Variants in ADCY5 observed in about 807,000 individuals in gnomAD.
The protein encoded by ADCY5 is adenylate cyclase 5.
In ADCY5, 30 loss-of-function variants were observed where a neutral mutation model predicts 119.7. The ratio of observed to expected loss-of-function variants is 0.25; its 90% CI spans 0.19 to 0.34. The LOEUF (loss-of-function observed/expected upper bound fraction) is 0.34. Ranked by LOEUF, ADCY5 falls within the 10% of genes least tolerant of loss-of-function variation. The pLI, the probability that ADCY5 is intolerant of heterozygous loss-of-function variation, is 1.00. For synonymous variants in ADCY5, 753 were observed against 762.2 expected (o/e 0.99, Z 0.20); for missense variants, 1,324 against 1,775.2 (o/e 0.75, Z 4.57).
intron 1 of ADCY5, among the ~76,000 whole-genome samples, chr3:123,402,784 C>T (rs1944801184): frequency 1.4e-5 from 2 of 146,694 alleles, no homozygotes; most frequent in Non-Finnish European, 3.0e-5. Flanking sequence ...ACCCGGGAGG[C>T]GGAGCTTGCA....
At chr3:123,316,743 T>A (rs955817224) in intron 11 of ADCY5, among the ~76,000 whole-genome samples, 1 of 152,174 alleles carries the variant, frequency 6.6e-6, no homozygotes, top group Non-Finnish European at 1.5e-5. Flanking sequence ...CAATATGGAC[T>A]GGGTAGTAGA....
chr3:123,319,780 T>C lies in ADCY5; in HGVS notation c.2150A>G (p.Asp717Gly), dbSNP rs1335631982. 3 of 1,614,200 alleles carry C rather than the reference T, an allele frequency of 1.9e-6. No homozygotes were observed. Among genetic ancestry groups the C allele is most frequent in the East Asian group, 2.2e-5 (1 of 44,888 alleles). The change falls in exon 10 of 21, where the codon GAT becomes GGT. Residue 717 changes from aspartate (D) to glycine (G), a missense_variant. By Grantham distance (94) the Asp-to-Gly change is moderately conservative. Transcript: ENST00000462833. Reference protein sequence around the residue: ...QESANPEDEVDEFLGRAIDAR... With the variant: ...QESANPEDEVGEFLGRAIDAR... The stretch of plus-strand genomic sequence containing the variant: ...GTCAATGGCACGGCCCAGAAACTCA[T>C]CCACTTCATCCTCAGGGTTCGCACT...
intron 19 of ADCY5, among the ~76,000 whole-genome samples, chr3:123,287,438 C>G (rs1454267692): frequency 6.6e-6 from 1 of 152,216 alleles, no homozygotes; most frequent in East Asian, 1.9e-4. Flanking sequence ...ATCCTGCCCC[C>G]ATGTATCTGG....
chr3:123,328,576 G>T, intron 6 of ADCY5, 68 bp downstream of exon 6: 2 of 1,545,732 alleles, frequency 1.3e-6, no homozygotes, highest in Non-Finnish European at 1.8e-6. Context: ...TCTGCAGGAT[G>T]GTCACCCTGG....
intron 1 of ADCY5, among the ~76,000 whole-genome samples, chr3:123,424,629 C>T (rs556432479): frequency 9.2e-5 from 14 of 152,262 alleles, no homozygotes; most frequent in Non-Finnish European, 1.6e-4. Flanking sequence ...CTCCTACCAC[C>T]CTTACAGCCC....
intron 11 of ADCY5, among the ~76,000 whole-genome samples, chr3:123,314,682 G>T (rs976422097): frequency 6.6e-6 from 1 of 152,184 alleles, no homozygotes; most frequent in African/African-American, 2.4e-5. Flanking sequence ...TCACTGATGT[G>T]CTTCATTTAG....
rs56195820 is a variant in ADCY5 at position 123,300,480 on chromosome 3, T to C, written c.2725-185A>G. On this transcript the variant is annotated intron_variant, in intron 14 of 20. Transcript: ENST00000462833. Reference sequence around the variant, plus strand: ...CCTGGTTAGGAACCAGGAGATGGGCTCCAGCTGGAGTCTGGCCATTGCCTG... The same window carrying C: ...CCTGGTTAGGAACCAGGAGATGGGCCCCAGCTGGAGTCTGGCCATTGCCTG... Among the ~76,000 whole-genome samples the C allele has an allele frequency of 0.035, 5,394 of 152,322 alleles. 330 individuals carry two copies. Among genetic ancestry groups the C allele is most frequent in the African/African-American group, 0.12 (5,105 of 41,556 alleles).
intron 1 of ADCY5, among the ~76,000 whole-genome samples, chr3:123,413,263 C>G (rs569649677): frequency 6.6e-6 from 1 of 152,328 alleles, no homozygotes; most frequent in Admixed American, 6.5e-5. Flanking sequence ...ACACGGAACA[C>G]GGAACATTTC....
At chr3:123,375,504 C>T (rs78039534) in intron 1 of ADCY5, among the ~76,000 whole-genome samples, 3,414 of 152,340 alleles carry the variant, frequency 0.022, 53 homozygotes, top group Non-Finnish European at 0.035. Flanking sequence ...CAGTCTGGGG[C>T]AGGCCCCCCA....
At chr3:123,319,540 G>A in intron 10 of ADCY5, 134 bp downstream of exon 10, 1 of 1,090,024 alleles carries the variant, frequency 9.2e-7, no homozygotes, top group Non-Finnish European at 1.3e-6. Flanking sequence ...AGGTAGTGCA[G>A]CATCAGAGCT....
intron 1 of ADCY5, chr3:123,418,670 T>C (rs1029870952): frequency 1.3e-5 from 2 of 152,146 alleles, no homozygotes; most frequent in Non-Finnish European, 2.9e-5. Context: ...TCTGACCCCA[T>C]GACCCACACA....
chr3:123,353,938 C>A (rs1942948196), intron 1 of ADCY5, among the ~76,000 whole-genome samples: 1 of 152,126 alleles, frequency 6.6e-6, no homozygotes, highest in South Asian at 2.1e-4. Flanking sequence ...CTATTTCAGG[C>A]TCTCACTCCC....
chr3:123,408,776 G>A (rs969451291), intron 1 of ADCY5, among the ~76,000 whole-genome samples: 1 of 152,050 alleles, frequency 6.6e-6, no homozygotes, highest in Non-Finnish European at 1.5e-5. Flanking sequence ...AGGAATTCAA[G>A]ATCAGCCTGG....
intron 1 of ADCY5, among the ~76,000 whole-genome samples, chr3:123,396,987 G>A (rs993523529): frequency 6.6e-6 from 1 of 152,130 alleles, no homozygotes; most frequent in Non-Finnish European, 1.5e-5. Context: ...TGAGCTCCCG[G>A]AACTGGGAAA....
chr3:123,440,790 G>T (rs1468321117), intron 1 of ADCY5, among the ~76,000 whole-genome samples: 1 of 152,142 alleles, frequency 6.6e-6, no homozygotes. Flanking sequence ...CTCAAAAGGT[G>T]AGCCACAGAT....
chr3:123,324,407 CA>C (rs1559806269), intron 8 of ADCY5, among the ~76,000 whole-genome samples: 1 of 586 alleles, frequency 1.7e-3, no homozygotes, highest in East Asian at 0.25. Context: ...ACAGAAACCA[CA>C]CACACACACA....
intron 1 of ADCY5, among the ~76,000 whole-genome samples, chr3:123,375,085 G>A (rs1427097437): frequency 6.6e-6 from 1 of 152,112 alleles, no homozygotes; most frequent in African/African-American, 2.4e-5. Flanking sequence ...CCCTTCACAG[G>A]CCCCATCCCC....
chr3:123,346,100 G>A (rs1942537192), intron 3 of ADCY5, among the ~76,000 whole-genome samples: 1 of 152,208 alleles, frequency 6.6e-6, no homozygotes, highest in South Asian at 2.1e-4. Context: ...AACGCACGTA[G>A]GGCGGTGGCT....
In ADCY5 at chr3:123,448,661, G is replaced by A. The variant is rs1297701365; in HGVS notation, c.-116C>T. ...CAGGCTAGGGTCACACGTCGGGGGC[G>A]GCCCGGGGCCCTGCGCTGCAGCGGG... On this transcript the variant is annotated 5_prime_UTR_variant, in exon 1 of 21. Coordinates refer to ENST00000462833, the MANE Select transcript of ADCY5 (RefSeq NM_183357.3). The A allele has an allele frequency of 5.2e-6, 5 of 953,264 alleles. No homozygotes were observed. Among genetic ancestry groups the A allele is most frequent in the Non-Finnish European group, 6.8e-6 (5 of 732,820 alleles). 59.1% of individuals were successfully genotyped at this position (953,264 alleles called of 1,614,324 possible). A position where few individuals can be genotyped will look rare whatever the true frequency, so the allele number is the denominator to read the frequency against.
Sources: allele counts gnomAD v4.1 joint callset (sites outside exome capture counted in the v4.1 genomes callset), GRCh38; gene constraint gnomAD v4.1.1; transcripts MANE v1.5; gene names NCBI Gene and HGNC (gene_info 2026-07-23, HGNC 2026-07-21).